The following ELOVL6 variants were observed in gnomAD, a reference collection of about 807,000 sequenced individuals.
The protein encoded by ELOVL6 is very long chain fatty acid elongase 6.
ELOVL6 carries 8 observed loss-of-function variants against 31.7 expected under a neutral mutation model. That is an observed-to-expected ratio of 0.25 (90% confidence interval 0.15 to 0.45). The LOEUF (loss-of-function observed/expected upper bound fraction) is 0.45. Ranked by LOEUF, ELOVL6 falls within the 20% of genes least tolerant of loss-of-function variation. ELOVL6 has a pLI of 1.00. For synonymous variants in ELOVL6, 101 were observed against 117.7 expected, an observed-to-expected ratio of 0.86 and a Z score of 0.92; for missense variants, 126 against 326.4, an observed-to-expected ratio of 0.39 and a Z score of 4.73.
chr4:110,090,619 T>TTTTTTTTTTC (rs1339267305), intron 2 of ELOVL6, among the ~76,000 whole-genome samples: 4 of 148,650 alleles, frequency 2.7e-5, no homozygotes, highest in African/African-American at 1.0e-4. Context: ...TTTTTTTTTT[T>TTTTTTTTTTC]TCATGAGACG....
chr4:110,172,166 T>C (rs757529176), intron 1 of ELOVL6, among the ~76,000 whole-genome samples: 20 of 152,104 alleles, frequency 1.3e-4, no homozygotes, highest in Non-Finnish European at 2.9e-4. Context: ...GTCTTGGGGA[T>C]TGGGACTTTA....
At chr4:110,126,343 A>C (rs1757498609) in intron 1 of ELOVL6, among the ~76,000 whole-genome samples, 1 of 151,972 alleles carries the variant, frequency 6.6e-6, no homozygotes, top group African/African-American at 2.4e-5. Flanking sequence ...GCTGCACCCA[A>C]CCCTCAAATC....
At chr4:110,174,563 G>A (rs1264835420) in intron 1 of ELOVL6, among the ~76,000 whole-genome samples, 1 of 151,936 alleles carries the variant, frequency 6.6e-6, no homozygotes, top group East Asian at 1.9e-4. Flanking sequence ...TTTTGCCTGT[G>A]GCCCTACTGA....
intron 1 of ELOVL6, among the ~76,000 whole-genome samples, chr4:110,136,610 C>A (rs548023894): frequency 6.6e-6 from 1 of 152,294 alleles, no homozygotes; most frequent in Admixed American, 6.5e-5. Context: ...GATCTGCCAG[C>A]TGCCCCTGAT....
chr4:110,049,905 TATGGCTC>T lies in ELOVL6; in HGVS notation c.*1426_*1432del, dbSNP rs1754794250. ...TATCCAGCTTTTTTTTTTTAAAGAA[TATGGCTC>T]TTAATAAATTGATTTTGAGTTCCAG... On this transcript the variant is annotated 3_prime_UTR_variant, in exon 4 of 4. Coordinates refer to ENST00000302274, the MANE Select transcript of ELOVL6 (RefSeq NM_024090.3). The T allele has an allele frequency of 6.6e-6, 1 of 151,600 alleles. No individual in the cohort carries two copies. The highest frequency in any genetic ancestry group is 1.9e-4 in the East Asian group (1 of 5,170). The allele number at this position is 151,600 out of a possible 1,614,324, so 9.4% of individuals were successfully genotyped here. A position where few individuals can be genotyped will look rare whatever the true frequency, so the allele number is the denominator to read the frequency against.
intron 2 of ELOVL6, among the ~76,000 whole-genome samples, chr4:110,067,754 C>CA (rs1387931596): frequency 7.9e-5 from 12 of 152,160 alleles, no homozygotes; most frequent in African/African-American, 2.9e-4. Context: ...AATTTGTGTA[C>CA]ATTTTTTTAA....
chr4:110,131,671 G>A (rs1209133134), intron 1 of ELOVL6, among the ~76,000 whole-genome samples: 1 of 152,182 alleles, frequency 6.6e-6, no homozygotes, highest in African/African-American at 2.4e-5. Flanking sequence ...TCTAGGTCCT[G>A]TGGGGGTGAG....
chr4:110,172,239 G>A (rs944737573), intron 1 of ELOVL6, among the ~76,000 whole-genome samples: 1 of 152,190 alleles, frequency 6.6e-6, no homozygotes, highest in African/African-American at 2.4e-5. Context: ...AGGACACCCA[G>A]TGGATGTCTG....
At chr4:110,101,684 T>A (rs567856991) in intron 2 of ELOVL6, among the ~76,000 whole-genome samples, 18 of 152,198 alleles carry the variant, frequency 1.2e-4, no homozygotes, top group Non-Finnish European at 2.5e-4. Context: ...TTCGTTCATT[T>A]ATTTTTTGAG....
At position 110,051,214 on chromosome 4, in the gene ELOVL6, GT is replaced by G; in HGVS notation, c.*123del. 1 of 1,043,560 alleles carries G rather than the reference GT, an allele frequency of 9.6e-7. No individual in the cohort carries two copies. The highest frequency in any genetic ancestry group is 1.4e-6 in the Non-Finnish European group (1 of 714,762). The allele number at this position is 1,043,560 out of a possible 1,614,324, so 64.6% of individuals were successfully genotyped here. A position where few individuals can be genotyped will look rare whatever the true frequency, so the allele number is the denominator to read the frequency against. ...CCTAATTATCCCTAAGCTGCCTTGGGTTTTGTGTTTGCTCATGTTTTGTTTT... is the reference window on the plus strand; with the variant it reads ...CCTAATTATCCCTAAGCTGCCTTGGGTTTGTGTTTGCTCATGTTTTGTTTT... On this transcript the variant is annotated 3_prime_UTR_variant, in exon 4 of 4. Coordinates refer to ENST00000302274, the MANE Select transcript of ELOVL6 (RefSeq NM_024090.3). This position sits in a 1 kb window ranked among gnomAD's most constrained non-coding sequence, Gnocchi z 4.8.
intron 1 of ELOVL6, among the ~76,000 whole-genome samples, chr4:110,178,429 C>T (rs1292384807): frequency 6.6e-6 from 1 of 151,904 alleles, no homozygotes; most frequent in African/African-American, 2.4e-5. Context: ...ATAGTCACTA[C>T]TACTTGGGAG....
intron 1 of ELOVL6, among the ~76,000 whole-genome samples, chr4:110,122,417 T>C (rs931598488): frequency 6.6e-6 from 1 of 152,194 alleles, no homozygotes; most frequent in African/African-American, 2.4e-5. Flanking sequence ...TGAAACACAG[T>C]CTGGCTGTGT....
At chr4:110,096,833 T>C in intron 2 of ELOVL6, among the ~76,000 whole-genome samples, 1 of 152,318 alleles carries the variant, frequency 6.6e-6, no homozygotes, top group South Asian at 2.1e-4. Context: ...ACAAAATTGA[T>C]ATTAATATAA....
In ELOVL6 at chr4:110,047,212, A is replaced by G. The variant is rs2126217010; in HGVS notation, c.*4126T>C. On this transcript the variant is annotated 3_prime_UTR_variant, in exon 4 of 4. Transcript: ENST00000302274. The stretch of plus-strand genomic sequence containing the variant: ...TGTCTACAAGAGGTGGACATGGACC[A>G]TGCTTATACAACTTAAAGCTCTGAA... 6.6e-6 allele frequency: 1 copy of G among 152,250 alleles called. No homozygotes were observed. The highest frequency in any genetic ancestry group is 1.9e-4 in the East Asian group (1 of 5,174). The allele number at this position is 152,250 out of a possible 1,614,324, so 9.4% of individuals were successfully genotyped here.
At chr4:110,183,754 A>C (rs1336403081) in intron 1 of ELOVL6, among the ~76,000 whole-genome samples, 1 of 152,140 alleles carries the variant, frequency 6.6e-6, no homozygotes, top group Non-Finnish European at 1.5e-5. Context: ...CTGTAATCCC[A>C]GCAATCTGGA....
chr4:110,141,868 T>TATATATATAC (rs1757972856), intron 1 of ELOVL6, among the ~76,000 whole-genome samples: 1 of 145,460 alleles, frequency 6.9e-6, no homozygotes, highest in Non-Finnish European at 1.5e-5. Flanking sequence ...TATATATATA[T>TATATATATAC]ATATATACTA....
intron 1 of ELOVL6, among the ~76,000 whole-genome samples, chr4:110,192,097 G>A (rs956357047): frequency 6.6e-6 from 1 of 151,172 alleles, no homozygotes; most frequent in African/African-American, 2.4e-5. Flanking sequence ...GGTTGAGGTA[G>A]GAGAATCACT....
intron 1 of ELOVL6, among the ~76,000 whole-genome samples, chr4:110,144,355 A>G (rs77504516): frequency 0.043 from 6,498 of 152,342 alleles, 193 homozygotes; most frequent in East Asian, 0.14. Context: ...TGGAAAGGCT[A>G]TCTTCCACTA....
chr4:110,152,860 G>A (rs1002741735), intron 1 of ELOVL6, among the ~76,000 whole-genome samples: 1 of 152,210 alleles, frequency 6.6e-6, no homozygotes, highest in Non-Finnish European at 1.5e-5. Flanking sequence ...CACTGTCCTA[G>A]AAACCTTATT....
Sources: allele counts gnomAD v4.1 joint callset (sites outside exome capture counted in the v4.1 genomes callset), GRCh38; gene constraint gnomAD v4.1.1; non-coding constraint Gnocchi (gnomAD v3.1); transcripts MANE v1.5; gene names NCBI Gene and HGNC (gene_info 2026-07-23, HGNC 2026-07-21).